SLC24A2: variants seen among roughly 807,000 people sequenced by gnomAD.
SLC24A2 encodes the protein solute carrier family 24 member 2.
SLC24A2 carries 36 observed loss-of-function variants against 62.0 expected under a neutral mutation model. The ratio of observed to expected loss-of-function variants is 0.58; its 90% CI spans 0.44 to 0.77. SLC24A2 has a LOEUF of 0.77. Ranked by LOEUF, SLC24A2 falls within the 30% of genes least tolerant of loss-of-function variation. SLC24A2 has a pLI of 0.00. For synonymous variants in SLC24A2, 358 were observed against 294.0 expected, an observed-to-expected ratio of 1.22 and a Z score of -2.23; for missense variants, 846 against 817.9, an observed-to-expected ratio of 1.03 and a Z score of -0.42.
chr9:19,947,802 A>T, the SLC24A2 span, among the ~76,000 whole-genome samples: 49 of 127,384 alleles, frequency 3.8e-4, no homozygotes, highest in African/African-American at 1.3e-3. Flanking sequence ...AAAAAAAAAA[A>T]AAAAAAAAAG....
At chr9:20,212,316 GA>G in the SLC24A2 span, among the ~76,000 whole-genome samples, 6 of 150,566 alleles carry the variant, frequency 4.0e-5, no homozygotes, top group Non-Finnish European at 8.9e-5. Context: ...ATATACAAAG[GA>G]AAAAAAAATT....
At chr9:19,895,526 T>TTTTCTTTCTTTC in the SLC24A2 span, among the ~76,000 whole-genome samples, 62 of 136,582 alleles carry the variant, frequency 4.5e-4, no homozygotes, top group African/African-American at 1.5e-3. Context: ...TCCCCTGCCC[T>TTTTCTTTCTTTC]TTTCTTTCTT....
At chr9:19,975,034 G>C in the SLC24A2 span, among the ~76,000 whole-genome samples, 1 of 152,114 alleles carries the variant, frequency 6.6e-6, no homozygotes, top group Non-Finnish European at 1.5e-5. Flanking sequence ...TTTCCCATAA[G>C]TTTTTGTTGG....
chr9:19,964,044 A>C, the SLC24A2 span, among the ~76,000 whole-genome samples: 1 of 152,076 alleles, frequency 6.6e-6, no homozygotes, highest in African/African-American at 2.4e-5. Context: ...CAGCCATAAA[A>C]AATGATGAGT....
At chr9:20,009,877 G>A in the SLC24A2 span, among the ~76,000 whole-genome samples, 1 of 152,082 alleles carries the variant, frequency 6.6e-6, no homozygotes, top group Admixed American at 6.5e-5. Flanking sequence ...CATATCTGTG[G>A]AGCAGAGCCT....
chr9:19,755,960 G>C (rs777168817), intron 2 of SLC24A2, among the ~76,000 whole-genome samples: 22 of 152,274 alleles, frequency 1.4e-4, no homozygotes, highest in Non-Finnish European at 2.4e-4. Flanking sequence ...GTCATAATGA[G>C]CTTGGTTCAC....
chr9:19,721,159 AAAG>A (rs1267796093), intron 2 of SLC24A2, among the ~76,000 whole-genome samples: 1 of 152,158 alleles, frequency 6.6e-6, no homozygotes, highest in Non-Finnish European at 1.5e-5. Context: ...AAAAAGAAAG[AAAG>A]AAGTTGAAAA....
the SLC24A2 span, among the ~76,000 whole-genome samples, chr9:19,985,018 C>A: frequency 1.3e-4 from 19 of 147,820 alleles, no homozygotes; most frequent in Non-Finnish European, 1.0e-4. Context: ...ACTGAAAATA[C>A]AAAAAAAAAA....
the SLC24A2 span, among the ~76,000 whole-genome samples, chr9:19,813,283 T>C: frequency 2.6e-5 from 4 of 151,024 alleles, no homozygotes; most frequent in African/African-American, 9.7e-5. Flanking sequence ...CAGTTGCAAA[T>C]GATCAGCTCA....
intron 2 of SLC24A2, among the ~76,000 whole-genome samples, chr9:19,770,916 T>C (rs965912301): frequency 1.3e-5 from 2 of 152,182 alleles, no homozygotes; most frequent in Non-Finnish European, 2.9e-5. Context: ...ATAATTTCAT[T>C]AAGAGGCCCC....
chr9:19,816,344 G>T, the SLC24A2 span, among the ~76,000 whole-genome samples: 59 of 152,156 alleles, frequency 3.9e-4, 1 homozygote, highest in African/African-American at 1.4e-3. Context: ...CCTTGACCCA[G>T]AAGTGACACG....
the SLC24A2 span, among the ~76,000 whole-genome samples, chr9:20,095,694 T>C: frequency 1.6e-4 from 24 of 152,172 alleles, 1 homozygote; most frequent in East Asian, 4.2e-3. Context: ...TATGTATCTA[T>C]CTATGGTATC....
chr9:19,948,245 G>C, the SLC24A2 span, among the ~76,000 whole-genome samples: 12 of 152,302 alleles, frequency 7.9e-5, no homozygotes, highest in South Asian at 2.3e-3. Flanking sequence ...TGTATTGTGT[G>C]AGTTGCCTAA....
chr9:20,116,038 T>C, the SLC24A2 span, among the ~76,000 whole-genome samples: 3 of 152,186 alleles, frequency 2.0e-5, no homozygotes, highest in Non-Finnish European at 2.9e-5. Context: ...CTATGAACTG[T>C]ATTTGGTGAG....
chr9:19,511,037 G>C lies in SLC24A2; in HGVS notation c.*5116C>G, dbSNP rs989564327. 2 of 152,196 alleles carry C rather than the reference G, an allele frequency of 1.3e-5. No homozygotes were observed. The highest frequency in any genetic ancestry group is 1.3e-4 in the Admixed American group (2 of 15,260). 9.4% of individuals were successfully genotyped at this position (152,196 alleles called of 1,614,324 possible). A position where few individuals can be genotyped will look rare whatever the true frequency, so the allele number is the denominator to read the frequency against. ...CCAGTGTGTACATTAGCTGGGGGGAGTCATTGTGGAAAACAGATTCCTTCC... is the reference window on the plus strand; with the variant it reads ...CCAGTGTGTACATTAGCTGGGGGGACTCATTGTGGAAAACAGATTCCTTCC... On this transcript the variant is annotated 3_prime_UTR_variant, in exon 11 of 11. Coordinates refer to ENST00000341998, the MANE Select transcript of SLC24A2 (RefSeq NM_020344.4).
intron 2 of SLC24A2, among the ~76,000 whole-genome samples, chr9:19,710,105 C>T (rs1304001089): frequency 2.0e-5 from 3 of 151,990 alleles, no homozygotes; most frequent in Non-Finnish European, 4.4e-5. Flanking sequence ...GAAGAGGGTA[C>T]AGAAGAAAGA....
In SLC24A2 at chr9:19,630,442, T is replaced by A. The variant is rs72702419; in HGVS notation, c.931-8143A>T. Among the ~76,000 whole-genome samples, 660 of 152,274 alleles carry A rather than the reference T, an allele frequency of 4.3e-3. 2 individuals are homozygous for A. The highest frequency in any genetic ancestry group is 6.8e-3 in the Admixed American group (104 of 15,298). ...TTATTTTAAAAAAGATTAGATTTTT[T>A]AAAAATAAGAAACTTTGAACCTCAA... On this transcript the variant is annotated intron_variant, in intron 2 of 10. Transcript: ENST00000341998.
intron 2 of SLC24A2, among the ~76,000 whole-genome samples, chr9:19,734,791 T>TG (rs60412205): frequency 0.76 from 115,863 of 152,008 alleles, 45,048 homozygotes; most frequent in East Asian, 0.93. Context: ...GCTGAGATGA[T>TG]GGGTTTTCTA....
chr9:19,573,511 C>G (rs111595995), intron 6 of SLC24A2, 42 bp from the exon 7 acceptor site: 7,412 of 50,916 alleles, frequency 0.15, 165 homozygotes, highest in Non-Finnish European at 0.18. Context: ...CACACACACA[C>G]ACACACACAC....
Sources: gnomAD v4.1 joint callset for allele counts (sites outside exome capture counted in the v4.1 genomes callset) on GRCh38, gnomAD v4.1.1 for gene constraint, MANE v1.5 for transcripts, NCBI Gene and HGNC (gene_info 2026-07-23, HGNC 2026-07-21) for gene names.